NRG1: variants seen among roughly 807,000 people sequenced by gnomAD.
NRG1 encodes pro-neuregulin-1, membrane-bound isoform.
A neutral mutation model predicts 63.8 loss-of-function variants in NRG1; 18 were observed. That is an observed-to-expected ratio of 0.28 (90% CI 0.19 to 0.42). The LOEUF is 0.42. NRG1 is among the 10% of genes least tolerant of loss of function. The pLI, the probability that NRG1 is intolerant of heterozygous loss-of-function variation, is 1.00. For synonymous variants in NRG1, 302 were observed against 301.3 expected (o/e 1.00, Z -0.02); for missense variants, 762 against 814.7 (o/e 0.94, Z 0.79).
chr8:32,757,942 A>G (rs1829975600), intron 9 of NRG1, among the ~76,000 whole-genome samples: 1 of 152,164 alleles, frequency 6.6e-6, no homozygotes, highest in Non-Finnish European at 1.5e-5. Flanking sequence ...GAAATGGTTC[A>G]GGGACTGGAA....
intron 1 of NRG1, among the ~76,000 whole-genome samples, chr8:31,847,321 CAG>C (rs36042446): frequency 0.57 from 86,705 of 151,736 alleles, 25,181 homozygotes; most frequent in East Asian, 0.82. Flanking sequence ...GAGCCAAAAA[CAG>C]AGTTTCTCTA....
At position 31,804,669 on chromosome 8, in the gene NRG1, T is replaced by C. The variant is rs560115869; in HGVS notation, c.37+165238T>C. Among the ~76,000 whole-genome samples the C allele has an allele frequency of 1.1e-4, 16 of 152,326 alleles. No individual in the cohort carries two copies. In the South Asian group the frequency reaches 1.9e-3, roughly 18 times the overall value. ...AAACTCAGGTAGCAGTTGATGCTGC[T>C]GTTTTGAAGCTGACTTTTTTCTTCT... On this transcript the variant is annotated intron_variant, in intron 1 of 10. Coordinates refer to the NRG1 transcript ENST00000519301.
intron 1 of NRG1, among the ~76,000 whole-genome samples, chr8:31,696,769 A>G (rs1810108413): frequency 6.6e-6 from 1 of 152,192 alleles, no homozygotes; most frequent in Non-Finnish European, 1.5e-5. Flanking sequence ...TTCTTCAGCA[A>G]GTTAGTGACA....
intron 1 of NRG1, among the ~76,000 whole-genome samples, chr8:31,710,602 C>T (rs576199467): frequency 2.8e-4 from 43 of 151,980 alleles, no homozygotes; most frequent in Non-Finnish European, 5.3e-4. Context: ...TTTTTTGCAT[C>T]ATTTTGGGCC....
intron 1 of NRG1, among the ~76,000 whole-genome samples, chr8:32,043,716 T>C (rs1351978298): frequency 6.6e-6 from 1 of 151,890 alleles, no homozygotes; most frequent in Non-Finnish European, 1.5e-5. Flanking sequence ...AAGTAAAGTA[T>C]TGATTCTAAA....
chr8:31,718,898 A>C (rs1175523621), intron 1 of NRG1, among the ~76,000 whole-genome samples: 1 of 152,182 alleles, frequency 6.6e-6, no homozygotes, highest in African/African-American at 2.4e-5. Context: ...TGTAGACAAC[A>C]CTAATTGTTA....
chr8:32,293,466 C>T (rs10096667), intron 1 of NRG1, among the ~76,000 whole-genome samples: 32,049 of 151,970 alleles, frequency 0.21, 3,799 homozygotes, highest in African/African-American at 0.33. Context: ...TTTTGTCCTT[C>T]TGGCCCCCAG....
At chr8:32,465,677 A>G (rs897890769) in intron 1 of NRG1, among the ~76,000 whole-genome samples, 2 of 152,246 alleles carry the variant, frequency 1.3e-5, no homozygotes, top group African/African-American at 4.8e-5. Flanking sequence ...ATTTCGGGAA[A>G]TTGCTCTAAG....
intron 1 of NRG1, among the ~76,000 whole-genome samples, chr8:31,883,001 G>T (rs2129612935): frequency 6.6e-6 from 1 of 152,208 alleles, no homozygotes; most frequent in African/African-American, 2.4e-5. Context: ...GGGTTTGAAA[G>T]GATTGCCTCC....
At chr8:31,811,386 C>T (rs977946952) in intron 1 of NRG1, among the ~76,000 whole-genome samples, 2 of 152,184 alleles carry the variant, frequency 1.3e-5, no homozygotes, top group Non-Finnish European at 1.5e-5. Context: ...CATCTACTTT[C>T]AACCTTCAAG....
At chr8:32,225,126 T>C (rs186140940) in intron 1 of NRG1, among the ~76,000 whole-genome samples, 4 of 152,256 alleles carry the variant, frequency 2.6e-5, no homozygotes, top group East Asian at 1.9e-4. Flanking sequence ...CACGGGAGCA[T>C]TGGAAATGAC....
intron 1 of NRG1, among the ~76,000 whole-genome samples, chr8:32,300,575 T>C (rs1414188452): frequency 6.6e-6 from 1 of 152,230 alleles, no homozygotes; most frequent in African/African-American, 2.4e-5. Context: ...ACATTAAACA[T>C]TATTTCAGTA....
At chr8:32,648,311 T>C (rs1318615837) in intron 5 of NRG1, 1 of 1,613,862 alleles carries the variant, frequency 6.2e-7, no homozygotes, top group South Asian at 1.1e-5. Flanking sequence ...CCCGGAACCC[T>C]GAGGTGAGAA....
intron 1 of NRG1, among the ~76,000 whole-genome samples, chr8:32,461,242 T>C (rs1363694818): frequency 6.6e-6 from 1 of 152,160 alleles, no homozygotes; most frequent in Non-Finnish European, 1.5e-5. Context: ...AATTTCTATA[T>C]TATGAAAGAC....
At chr8:31,746,585 G>A (rs985162169) in intron 1 of NRG1, among the ~76,000 whole-genome samples, 4 of 151,938 alleles carry the variant, frequency 2.6e-5, no homozygotes, top group East Asian at 3.9e-4. Flanking sequence ...TGTTGGCTAT[G>A]AGTAATAATT....
chr8:32,469,461 A>G (rs1338801983), intron 1 of NRG1, among the ~76,000 whole-genome samples: 3 of 152,166 alleles, frequency 2.0e-5, no homozygotes, highest in African/African-American at 7.2e-5. Context: ...AGTCATGGGC[A>G]GGCTGTAGCA....
At chr8:32,623,514 GACAA>G (rs140168924) in intron 5 of NRG1, among the ~76,000 whole-genome samples, 18,315 of 152,076 alleles carry the variant, frequency 0.12, 1,158 homozygotes, top group African/African-American at 0.17. Flanking sequence ...TGTGGAGAAT[GACAA>G]ACAAATTATC....
chr8:32,280,707 T>G (rs1339298288), intron 1 of NRG1, among the ~76,000 whole-genome samples: 5 of 142,840 alleles, frequency 3.5e-5, no homozygotes, highest in Admixed American at 2.2e-4. Flanking sequence ...TTTTTTTTTT[T>G]TTTTTTTCAG....
intron 1 of NRG1, among the ~76,000 whole-genome samples, chr8:31,814,588 A>T (rs956375399): frequency 6.6e-6 from 1 of 151,830 alleles, no homozygotes; most frequent in Non-Finnish European, 1.5e-5. Context: ...CACTGGGAAT[A>T]TTATATGGCT....
Sources: allele counts gnomAD v4.1 joint callset (sites outside exome capture counted in the v4.1 genomes callset), GRCh38; gene constraint gnomAD v4.1.1; transcripts MANE v1.5; gene names NCBI Gene and HGNC (gene_info 2026-07-23, HGNC 2026-07-21).